FCHSD2: variants seen among roughly 807,000 people sequenced by gnomAD.
The protein encoded by FCHSD2 is FCH and double SH3 domains 2.
In FCHSD2, 38 loss-of-function variants were observed where a neutral mutation model predicts 108.1. That is an observed-to-expected ratio of 0.35 (90% CI 0.27 to 0.46). The LOEUF (loss-of-function observed/expected upper bound fraction) is 0.46. Ranked by LOEUF, FCHSD2 falls within the 20% of genes least tolerant of loss-of-function variation. The pLI is 1.00. For synonymous variants in FCHSD2, 279 were observed against 314.7 expected (o/e 0.89, Z 1.20); for missense variants, 751 against 897.8 (o/e 0.84, Z 2.09).
At chr11:73,007,457 CA>C (rs998140808) in intron 4 of FCHSD2, among the ~76,000 whole-genome samples, 1 of 151,728 alleles carries the variant, frequency 6.6e-6, no homozygotes, top group South Asian at 2.1e-4. Context: ...CTCATCTCTA[CA>C]AAAAAAATTT....
chr11:73,027,877 G>T (rs1012637852), intron 3 of FCHSD2, among the ~76,000 whole-genome samples: 2 of 152,254 alleles, frequency 1.3e-5, no homozygotes, highest in Admixed American at 1.3e-4. Context: ...GCTTCAGAGG[G>T]TGCAAGCCCC....
At chr11:73,121,449 A>C (rs1004072332) in intron 2 of FCHSD2, among the ~76,000 whole-genome samples, 1 of 152,208 alleles carries the variant, frequency 6.6e-6, no homozygotes, top group African/African-American at 2.4e-5. Context: ...ACTTTAAAAG[A>C]ATAAAAAATT....
chr11:72,978,543 C>T (rs1029643412), intron 8 of FCHSD2, among the ~76,000 whole-genome samples: 2 of 152,164 alleles, frequency 1.3e-5, no homozygotes, highest in Non-Finnish European at 2.9e-5. Flanking sequence ...TGTGTCCCCA[C>T]TCAAATCTCA....
chr11:72,850,463 G>A (rs921643904), intron 13 of FCHSD2, among the ~76,000 whole-genome samples: 3 of 151,274 alleles, frequency 2.0e-5, no homozygotes, highest in Non-Finnish European at 4.4e-5. Flanking sequence ...TGCAAGCTCT[G>A]CCTCCTCAGC....
In FCHSD2 at chr11:72,836,896, T is replaced by A. The variant is rs762868683; in HGVS notation, c.*1895A>T. 2 of 152,586 alleles carry A rather than the reference T, an allele frequency of 1.3e-5. No individual in the cohort carries two copies. Among genetic ancestry groups the A allele is most frequent in the Non-Finnish European group, 2.9e-5 (2 of 68,014 alleles). The allele number at this position is 152,586 out of a possible 1,614,324, so 9.5% of individuals were successfully genotyped here. On this transcript the variant is annotated 3_prime_UTR_variant, in exon 20 of 20. Coordinates refer to ENST00000409418, the MANE Select transcript of FCHSD2 (RefSeq NM_014824.3). ...GATTCCATATCCTGGATGGAGGGGT[T>A]ATTTTTTAAAAAGGAGGCATGTTTT...
chr11:73,097,036 C>T (rs1860103382), intron 2 of FCHSD2, among the ~76,000 whole-genome samples: 1 of 82,026 alleles, frequency 1.2e-5, no homozygotes. Context: ...GGGTCTCACT[C>T]TGGTCATCCA....
intron 8 of FCHSD2, among the ~76,000 whole-genome samples, chr11:72,943,535 A>G (rs1591421406): frequency 6.6e-6 from 1 of 152,178 alleles, no homozygotes; most frequent in East Asian, 1.9e-4. Context: ...TAATAGCTTT[A>G]ATGAAAGGGA....
At chr11:72,988,228 CCTT>C (rs1275337860) in intron 6 of FCHSD2, among the ~76,000 whole-genome samples, 1 of 152,178 alleles carries the variant, frequency 6.6e-6, no homozygotes, top group Non-Finnish European at 1.5e-5. Flanking sequence ...TCTCAGCTCT[CCTT>C]CTCACAGATG....
chr11:73,070,983 C>T (rs1013157012), intron 3 of FCHSD2, among the ~76,000 whole-genome samples: 13 of 152,090 alleles, frequency 8.5e-5, no homozygotes, highest in Non-Finnish European at 1.5e-5. Flanking sequence ...ATGGGAAGGG[C>T]CTTTACACAT....
At chr11:72,901,448 T>C (rs1855524792) in intron 10 of FCHSD2, among the ~76,000 whole-genome samples, 1 of 151,814 alleles carries the variant, frequency 6.6e-6, no homozygotes. Flanking sequence ...AAAACAAAAA[T>C]TGCCAGTTGG....
chr11:73,006,149 C>G (rs1037368525), intron 4 of FCHSD2, among the ~76,000 whole-genome samples: 1 of 152,030 alleles, frequency 6.6e-6, no homozygotes, highest in Non-Finnish European at 1.5e-5. Context: ...TTGAGCCATC[C>G]TCCTGCCTTA....
Position 72,867,893 on chromosome 11 carries a change from G to A in FCHSD2, c.1280C>T (p.Ala427Val). The change falls in exon 13 of 20, where the codon GCA (alanine) becomes GTA (valine). Residue 427 changes from alanine to valine, a missense_variant. Coordinates refer to ENST00000409418, the MANE Select transcript of FCHSD2 (RefSeq NM_014824.3). ...GTGTAAAGTGCCATTACTGGTCACT[G>A]CAGGAGGGCGGGCCCATCGCTCATT... ...LENERWARPP[A>V]VTSNGTLHSL... 6.2e-7 allele frequency: 1 copy of A among 1,612,808 alleles called. No individual in the cohort carries two copies. The highest frequency in any genetic ancestry group is 1.3e-5 in the African/African-American group (1 of 75,044).
intron 14 of FCHSD2, among the ~76,000 whole-genome samples, chr11:72,845,387 G>A (rs544355849): frequency 2.8e-5 from 4 of 141,590 alleles, no homozygotes; most frequent in South Asian, 2.2e-4. Flanking sequence ...GCAGTGAGCC[G>A]AGATCACACC....
At chr11:72,915,055 A>C (rs900394870) in intron 9 of FCHSD2, among the ~76,000 whole-genome samples, 4 of 151,790 alleles carry the variant, frequency 2.6e-5, no homozygotes, top group Non-Finnish European at 4.4e-5. Context: ...ACAAGAAAGA[A>C]ACAAACAACT....
In FCHSD2 at chr11:73,014,932, C is replaced by T. The variant is rs182279750; in HGVS notation, c.242+877G>A. 1.1e-3 allele frequency among the ~76,000 whole-genome samples: 174 copies of T among 152,230 alleles called. 1 individual carries two copies. Among genetic ancestry groups the T allele is most frequent in the South Asian group, 5.8e-3 (28 of 4,808 alleles). On this transcript the variant is annotated intron_variant, in intron 4 of 19. Coordinates refer to ENST00000409418, the MANE Select transcript of FCHSD2 (RefSeq NM_014824.3). ...GATTTCGGCTCAATGCAACCTCTGCCTCCCAGGTTCAAGCAATCCTCCTGC... is the reference window on the plus strand; with the variant it reads ...GATTTCGGCTCAATGCAACCTCTGCTTCCCAGGTTCAAGCAATCCTCCTGC...
chr11:72,932,958 A>C (rs1856224627), intron 8 of FCHSD2, among the ~76,000 whole-genome samples: 1 of 152,204 alleles, frequency 6.6e-6, no homozygotes, highest in Non-Finnish European at 1.5e-5. Context: ...ACATTTATAA[A>C]ATCGTATACA....
intron 3 of FCHSD2, among the ~76,000 whole-genome samples, chr11:73,017,663 A>C (rs1168935688): frequency 2.0e-5 from 3 of 152,188 alleles, no homozygotes; most frequent in African/African-American, 7.2e-5. Context: ...TGGGAGCTCC[A>C]AATACTAAGT....
chr11:73,071,058 G>A (rs962860618), intron 3 of FCHSD2, among the ~76,000 whole-genome samples: 27 of 152,228 alleles, frequency 1.8e-4, no homozygotes, highest in African/African-American at 5.5e-4. Flanking sequence ...GGAGAAAAAT[G>A]TTTTCCATAA....
At chr11:72,959,797 T>C (rs1003518736) in intron 8 of FCHSD2, among the ~76,000 whole-genome samples, 6 of 152,074 alleles carry the variant, frequency 3.9e-5, no homozygotes, top group African/African-American at 7.2e-5. Flanking sequence ...GTACATTATA[T>C]GCTGATGAGC....
Sources: gnomAD v4.1 joint callset for allele counts (sites outside exome capture counted in the v4.1 genomes callset) on GRCh38, gnomAD v4.1.1 for gene constraint, MANE v1.5 for transcripts, NCBI Gene and HGNC (gene_info 2026-07-23, HGNC 2026-07-21) for gene names.